The following MANBA variants were observed in gnomAD, a reference collection of about 807,000 sequenced individuals.
MANBA encodes beta-mannosidase.
A neutral mutation model predicts 111.1 loss-of-function variants in MANBA; 83 were observed. The ratio of observed to expected loss-of-function variants is 0.75; its 90% confidence interval spans 0.63 to 0.90. MANBA has a LOEUF of 0.90. Ranked by LOEUF, MANBA falls within the 40% of genes least tolerant of loss-of-function variation. MANBA has a pLI of 0.00. For missense variants in MANBA, 1,036 were observed against 1,069.0 expected, an observed-to-expected ratio of 0.97 and a Z score of 0.43; for synonymous variants, 370 against 378.7, an observed-to-expected ratio of 0.98 and a Z score of 0.27.
chr4:102,640,659 T>G (rs1389075539), intron 13 of MANBA, among the ~76,000 whole-genome samples: 1 of 152,110 alleles, frequency 6.6e-6, no homozygotes, highest in Non-Finnish European at 1.5e-5. Flanking sequence ...CAGCGAGGAT[T>G]TCAGAGAACA....
At chr4:102,675,383 C>T (rs546480887) in intron 7 of MANBA, among the ~76,000 whole-genome samples, 26 of 152,274 alleles carry the variant, frequency 1.7e-4, no homozygotes, top group East Asian at 7.7e-4. Flanking sequence ...TGTAGCTCTG[C>T]GGCAGAGGTT....
intron 10 of MANBA, chr4:102,667,072 T>A (rs913200261): frequency 6.6e-6 from 1 of 152,206 alleles, no homozygotes; most frequent in African/African-American, 2.4e-5. Context: ...TCTCAAATTG[T>A]CCCCCTTTTG....
intron 1 of MANBA, among the ~76,000 whole-genome samples, chr4:102,731,498 A>G (rs1451717493): frequency 6.6e-6 from 1 of 152,200 alleles, no homozygotes; most frequent in Non-Finnish European, 1.5e-5. Flanking sequence ...TTCAAAACTT[A>G]TTAACATCAG....
chr4:102,709,345 AG>A (rs1721927511), intron 5 of MANBA, among the ~76,000 whole-genome samples: 1 of 149,156 alleles, frequency 6.7e-6, no homozygotes, highest in Non-Finnish European at 1.5e-5. Flanking sequence ...GAAGGAAGGA[AG>A]GAAGGAAGAA....
intron 13 of MANBA, among the ~76,000 whole-genome samples, chr4:102,646,699 G>A (rs1256815877): frequency 6.6e-6 from 1 of 152,124 alleles, no homozygotes; most frequent in Non-Finnish European, 1.5e-5. Flanking sequence ...TCAAACTAGA[G>A]AGTGAGATCT....
chr4:102,708,734 T>C (rs1721872167), intron 5 of MANBA, among the ~76,000 whole-genome samples: 1 of 151,736 alleles, frequency 6.6e-6, no homozygotes, highest in Non-Finnish European at 1.5e-5. Context: ...GAAAACAAGA[T>C]TGATAAACCC....
intron 3 of MANBA, 72 bp from the exon 4 acceptor site, chr4:102,723,113 G>A: frequency 1.1e-5 from 15 of 1,369,834 alleles, no homozygotes; most frequent in Non-Finnish European, 1.0e-6. Flanking sequence ...TTAGATAAAG[G>A]CATTTTGTAT....
intron 13 of MANBA, 112 bp downstream of exon 13, chr4:102,650,425 A>G (rs1024160878): frequency 1.0e-5 from 11 of 1,075,386 alleles, no homozygotes; most frequent in Non-Finnish European, 1.4e-5. Flanking sequence ...AAATTCCTTA[A>G]CCAGTGGAAT....
intron 1 of MANBA, chr4:102,729,031 C>G: frequency 1.0e-6 from 1 of 958,230 alleles, no homozygotes; most frequent in Middle Eastern, 2.9e-4. Context: ...CCAGGGCCAG[C>G]TTGATGTTCA....
At chr4:102,709,047 G>A (rs1051561445) in intron 5 of MANBA, among the ~76,000 whole-genome samples, 11 of 151,782 alleles carry the variant, frequency 7.2e-5, no homozygotes, top group East Asian at 1.9e-4. Flanking sequence ...GAGGCCAGGC[G>A]CAGTGGCTCA....
At chr4:102,645,714 G>T (rs571980862) in intron 13 of MANBA, among the ~76,000 whole-genome samples, 11 of 152,122 alleles carry the variant, frequency 7.2e-5, no homozygotes, top group South Asian at 2.1e-4. Flanking sequence ...GGTAAGGTGA[G>T]TAGTAATATT....
In MANBA at chr4:102,650,521, A is replaced by C. The variant is rs1730283802; in HGVS notation, c.1869+16T>G. 6.2e-7 allele frequency: 1 copy of C among 1,601,366 alleles called. No homozygotes were observed. The highest frequency in any genetic ancestry group is 2.2e-5 in the East Asian group (1 of 44,772). Reference sequence around the variant, plus strand: ...ATTGCAGGAACCTGTTCAATTCTAGAATGAAAACAACTTACCTGAGTAAGG... The same window carrying C: ...ATTGCAGGAACCTGTTCAATTCTAGCATGAAAACAACTTACCTGAGTAAGG... On this transcript the variant is annotated intron_variant, in intron 13 of 16. Coordinates refer to ENST00000647097, the MANE Select transcript of MANBA (RefSeq NM_005908.4).
intron 16 of MANBA, among the ~76,000 whole-genome samples, chr4:102,634,428 A>G (rs1729521724): frequency 6.6e-6 from 1 of 152,214 alleles, no homozygotes; most frequent in Non-Finnish European, 1.5e-5. Context: ...TAATGCCTGG[A>G]GCTGTGGTGA....
intron 13 of MANBA, among the ~76,000 whole-genome samples, chr4:102,648,843 G>A (rs1227810283): frequency 1.3e-5 from 2 of 152,070 alleles, no homozygotes; most frequent in African/African-American, 4.8e-5. Context: ...ATAGAAAACA[G>A]AAAGTTCTCT....
At chr4:102,701,094 A>T (rs1733014882) in intron 5 of MANBA, among the ~76,000 whole-genome samples, 1 of 152,174 alleles carries the variant, frequency 6.6e-6, no homozygotes, top group African/African-American at 2.4e-5. Context: ...TGTGGAATTT[A>T]TCCCTTTACC....
Position 102,690,673 on chromosome 4 carries a change from A to G in MANBA, c.772T>C (p.Leu258=), listed in dbSNP as rs751233382. ...ATGCTGTATGTCTGTTGTGTTTGCA[A>G]CTTAGGGATGGCTACGATCACTTGA... The part of the protein sequence containing the change: ...GGQVIVAIPK[L]QTQQTYSIEL... The change falls in exon 6 of 17, where the codon TTG becomes CTG. Residue 258 remains leucine, a synonymous_variant. Transcript: ENST00000647097. 2.5e-6 allele frequency: 4 copies of G among 1,611,694 alleles called. No homozygotes were observed. The African/African-American group carries it at 4.0e-5, about 16-fold the overall frequency.
intron 1 of MANBA, chr4:102,752,429 G>A: frequency 1.4e-5 from 12 of 866,072 alleles, no homozygotes; most frequent in Non-Finnish European, 1.4e-5. Context: ...TTAGTAAAAT[G>A]GTCTCCTACC....
At chr4:102,725,250 A>G (rs1043212923) in intron 2 of MANBA, among the ~76,000 whole-genome samples, 4 of 152,202 alleles carry the variant, frequency 2.6e-5, no homozygotes, top group Non-Finnish European at 5.9e-5. Context: ...CAATATGTTA[A>G]TTATATATCA....
intron 10 of MANBA, chr4:102,668,012 C>T (rs547192407): frequency 3.0e-4 from 46 of 152,304 alleles, no homozygotes; most frequent in African/African-American, 9.1e-4. Flanking sequence ...ATATGATACA[C>T]TCACAAGTTG....
Sources: allele counts gnomAD v4.1 joint callset (sites outside exome capture counted in the v4.1 genomes callset), GRCh38; gene constraint gnomAD v4.1.1; transcripts MANE v1.5; gene names NCBI Gene and HGNC (gene_info 2026-07-23, HGNC 2026-07-21).